NLRP5: variants seen among roughly 807,000 people sequenced by gnomAD.
The protein encoded by NLRP5 is NACHT, LRR and PYD domains-containing protein 5.
In NLRP5, 93 loss-of-function variants were observed where a neutral mutation model predicts 113.1. The observed-to-expected ratio is 0.82, with a 90% CI of 0.70 to 0.98. NLRP5 has a LOEUF of 0.98. NLRP5 is among the 50% of genes least tolerant of loss of function. The probability of loss-of-function intolerance (pLI) is 0.00; values close to 1 mark genes in which losing one functional copy is unlikely to be tolerated. For synonymous variants in NLRP5, 751 were observed against 600.7 expected, an observed-to-expected ratio of 1.25 and a Z score of -3.66; for missense variants, 1,808 against 1,514.3, an observed-to-expected ratio of 1.19 and a Z score of -3.22.
intron 2 of NLRP5, among the ~76,000 whole-genome samples, chr19:56,005,231 T>A (rs1208091885): frequency 1.4e-5 from 2 of 143,744 alleles, no homozygotes; most frequent in Non-Finnish European, 3.0e-5. Flanking sequence ...ACACATATAT[T>A]TTTATATATA....
At position 56,015,747 on chromosome 19, in the gene NLRP5, T is replaced by C. The variant is rs1362547474; in HGVS notation, c.514T>C (p.Ser172Pro). The C allele has an allele frequency of 5.7e-6, 9 of 1,568,744 alleles. No homozygotes were observed. The highest frequency in any genetic ancestry group is 7.8e-6 in the Non-Finnish European group (9 of 1,155,014). ...TTCTCCCTTCTCTTTTGCAGGAATT[T>C]CACAAGCTGTGCAACAAGATAGTGC... Residue 172 changes from serine to proline, a missense_variant, in exon 4 of 15, where the codon TCA becomes CCA. Ser to Pro is a moderately conservative substitution (Grantham distance 74). Coordinates refer to ENST00000390649, the MANE Select transcript of NLRP5 (RefSeq NM_153447.4).
intron 3 of NLRP5, among the ~76,000 whole-genome samples, chr19:56,014,464 G>C (rs577765002): frequency 6.6e-4 from 85 of 128,540 alleles, no homozygotes; most frequent in Non-Finnish European, 1.2e-3. Flanking sequence ...TGGTGACAGA[G>C]AAACGCTCCA....
chr19:56,049,942 G>T (rs1425875021), intron 11 of NLRP5, among the ~76,000 whole-genome samples: 4 of 152,000 alleles, frequency 2.6e-5, no homozygotes, highest in African/African-American at 7.2e-5. Context: ...ACCAGAGTTG[G>T]TTTTCTGCCT....
chr19:56,020,348 A>G (rs1982568043), intron 5 of NLRP5, 27 bp from the exon 6 acceptor site: 1 of 1,611,366 alleles, frequency 6.2e-7, no homozygotes, highest in Non-Finnish European at 8.5e-7. Context: ...AATAAACACA[A>G]GTATGTTGGA....
intron 2 of NLRP5, among the ~76,000 whole-genome samples, chr19:56,005,777 C>T (rs928600484): frequency 6.6e-6 from 1 of 152,136 alleles, no homozygotes; most frequent in African/African-American, 2.4e-5. Context: ...GTATTATTCC[C>T]AGGAAGAGAG....
the NLRP5 span, among the ~76,000 whole-genome samples, chr19:55,993,100 C>A: frequency 1.4e-4 from 21 of 152,000 alleles, no homozygotes; most frequent in Admixed American, 4.6e-4. Context: ...CCACCCACCT[C>A]GGCCTCCCAA....
chr19:56,053,312 C>A (rs988212554), intron 12 of NLRP5, among the ~76,000 whole-genome samples: 4 of 152,064 alleles, frequency 2.6e-5, no homozygotes, highest in African/African-American at 7.2e-5. Context: ...GGGAGAATAG[C>A]TTGAACCTGG....
chr19:56,050,355 T>C, intron 11 of NLRP5, 63 bp from the exon 12 acceptor site: 1 of 1,492,456 alleles, frequency 6.7e-7, no homozygotes, highest in Non-Finnish European at 9.2e-7. Context: ...GAGCAGCAGC[T>C]CACTTGAGGC....
In NLRP5 at chr19:56,050,538, G is replaced by A; in HGVS notation, c.3078G>A (p.Lys1026=). 1 of 1,614,000 alleles carries A rather than the reference G, an allele frequency of 6.2e-7. No individual in the cohort carries two copies. Among genetic ancestry groups the A allele is most frequent in the Non-Finnish European group, 8.5e-7 (1 of 1,179,890 alleles). ...ACCCTGTGGAAGACAATGGCGTGAA[G>A]CTTCTGTGCGAGGTCATGAGAGAAC... The change falls in exon 12 of 15, where the codon AAG becomes AAA. Residue 1026 remains lysine (K), a synonymous_variant. Coordinates refer to ENST00000390649, the MANE Select transcript of NLRP5 (RefSeq NM_153447.4).
intron 13 of NLRP5, among the ~76,000 whole-genome samples, chr19:56,054,516 C>T (rs1984053648): frequency 6.6e-6 from 1 of 150,934 alleles, no homozygotes; most frequent in African/African-American, 2.4e-5. Context: ...CGAGACCACA[C>T]CACTGCACTC....
chr19:56,032,886 GGGCAT>G, intron 8 of NLRP5, 105 bp downstream of exon 8: 1 of 1,118,668 alleles, frequency 8.9e-7, no homozygotes, highest in Non-Finnish European at 1.3e-6. Context: ...TGCAGCCTGA[GGGCAT>G]AAGTGCCACC....
chr19:56,028,206 C>G lies in NLRP5; in HGVS notation c.1973C>G (p.Pro658Arg). The G allele has an allele frequency of 6.2e-7, 1 of 1,613,876 alleles. No individual in the cohort carries two copies. The change falls in exon 7 of 15, where the codon CCC becomes CGC. Residue 658 changes from proline to arginine, a missense_variant. Physicochemically the swap from Pro to Arg is moderately radical, Grantham distance 103. Coordinates refer to ENST00000390649, the MANE Select transcript of NLRP5 (RefSeq NM_153447.4). ...GAGGTCCTGCTGGGCTGTCCCGTTC[C>G]CCTGGGGGTGAAGCAGAAGCTTCTG...
At chr19:56,013,522 C>T (rs1982281151) in intron 3 of NLRP5, among the ~76,000 whole-genome samples, 1 of 144,396 alleles carries the variant, frequency 6.9e-6, no homozygotes, top group African/African-American at 2.6e-5. Flanking sequence ...GACTTCATAA[C>T]TTTTTATGGC....
intron 2 of NLRP5, among the ~76,000 whole-genome samples, chr19:56,007,900 CGTGCGTGTGTGT>C (rs1468471495): frequency 1.3e-5 from 1 of 79,424 alleles, no homozygotes; most frequent in African/African-American, 6.0e-5. Flanking sequence ...CGCGTGCGCG[CGTGCGTGTGTGT>C]GTGTGTGTGT....
chr19:56,049,964 G>C (rs1983868880), intron 11 of NLRP5, among the ~76,000 whole-genome samples: 1 of 151,946 alleles, frequency 6.6e-6, no homozygotes, highest in African/African-American at 2.4e-5. Flanking sequence ...CTTCTCATTT[G>C]GGTAGGTTCT....
At chr19:56,061,321 C>A in intron 14 of NLRP5, 75 bp from the exon 15 acceptor site, 1 of 1,533,248 alleles carries the variant, frequency 6.5e-7, no homozygotes, top group Middle Eastern at 2.1e-4. Flanking sequence ...CTTGATGAGG[C>A]TACCAGGAAT....
chr19:56,010,744 A>C (rs1212780035), intron 3 of NLRP5, among the ~76,000 whole-genome samples: 1 of 112,802 alleles, frequency 8.9e-6, no homozygotes, highest in African/African-American at 3.2e-5. Flanking sequence ...CTCTGTCTCA[A>C]AAAAAAAAAA....
chr19:56,056,066 T>C (rs1984139289), intron 13 of NLRP5, among the ~76,000 whole-genome samples: 1 of 152,172 alleles, frequency 6.6e-6, no homozygotes, highest in Non-Finnish European at 1.5e-5. Flanking sequence ...TCTGGTCCAC[T>C]CGTTTTCCCC....
In NLRP5 at chr19:56,019,983, C is replaced by T. The variant is rs189645418; in HGVS notation, c.623-392C>T. ...TCCCGAGTAGCTGGGATTACAGGCA[C>T]CTGCCACTGTGCCCGACTAATTTTT... On this transcript the variant is annotated intron_variant, in intron 5 of 14. Coordinates refer to ENST00000390649, the MANE Select transcript of NLRP5 (RefSeq NM_153447.4). 3.8e-4 allele frequency among the ~76,000 whole-genome samples: 58 copies of T among 151,728 alleles called. 1 individual carries two copies. Among genetic ancestry groups the T allele is most frequent in the African/African-American group, 1.3e-3 (54 of 41,214 alleles).
Sources: allele counts gnomAD v4.1 joint callset (sites outside exome capture counted in the v4.1 genomes callset), GRCh38; gene constraint gnomAD v4.1.1; transcripts MANE v1.5; gene names NCBI Gene and HGNC (gene_info 2026-07-23, HGNC 2026-07-21).